CCSER1: variants seen among roughly 807,000 people sequenced by gnomAD.
CCSER1 encodes the protein coiled-coil serine rich protein 1, also known as serine-rich coiled-coil domain-containing protein 1.
In CCSER1, 41 loss-of-function variants were observed where a neutral mutation model predicts 82.0. The observed-to-expected ratio is 0.50, with a 90% CI of 0.39 to 0.65. The LOEUF (loss-of-function observed/expected upper bound fraction) is 0.65, where lower values mean the gene tolerates loss of function less well. Ranked by LOEUF, CCSER1 falls within the 30% of genes least tolerant of loss-of-function variation. The pLI is 0.00. For missense variants in CCSER1, 1,119 were observed against 1,064.2 expected, an observed-to-expected ratio of 1.05 and a Z score of -0.72; for synonymous variants, 414 against 383.9, an observed-to-expected ratio of 1.08 and a Z score of -0.92.
At chr4:90,600,386 G>T (rs1329376121) in intron 5 of CCSER1, among the ~76,000 whole-genome samples, 1 of 152,070 alleles carries the variant, frequency 6.6e-6, no homozygotes, top group African/African-American at 2.4e-5. Flanking sequence ...AGATTTGTGT[G>T]TAGTCATTTT....
At chr4:91,372,047 T>G (rs1244602126) in intron 10 of CCSER1, among the ~76,000 whole-genome samples, 1 of 152,230 alleles carries the variant, frequency 6.6e-6, no homozygotes, top group Non-Finnish European at 1.5e-5. Flanking sequence ...AAAAATGTTT[T>G]GTAAAAATAG....
chr4:90,257,800 A>G (rs1324438190), intron 1 of CCSER1, among the ~76,000 whole-genome samples: 1 of 152,170 alleles, frequency 6.6e-6, no homozygotes, highest in Non-Finnish European at 1.5e-5. Context: ...TGTAGCTCCC[A>G]GACAGTCAAG....
intron 3 of CCSER1, among the ~76,000 whole-genome samples, chr4:90,348,345 G>A (rs1742789031): frequency 6.6e-6 from 1 of 152,016 alleles, no homozygotes; most frequent in Non-Finnish European, 1.5e-5. Context: ...CAGTATTTTT[G>A]TTATGTGTAC....
At chr4:91,127,534 A>AG (rs1311210798) in intron 10 of CCSER1, among the ~76,000 whole-genome samples, 1 of 151,858 alleles carries the variant, frequency 6.6e-6, no homozygotes, top group Non-Finnish European at 1.5e-5. Context: ...TTTTTTAAAA[A>AG]CTCTATGAAT....
intron 5 of CCSER1, among the ~76,000 whole-genome samples, chr4:90,625,034 G>T (rs556615496): frequency 1.3e-5 from 2 of 152,190 alleles, no homozygotes; most frequent in East Asian, 3.9e-4. Flanking sequence ...ACTATCTTTG[G>T]TGATATAAAG....
intron 1 of CCSER1, among the ~76,000 whole-genome samples, chr4:90,220,988 C>T (rs951849142): frequency 6.6e-6 from 1 of 151,818 alleles, no homozygotes. Context: ...CAATTTTTTG[C>T]ATTTTGAAGA....
At chr4:91,345,985 T>G (rs769302067) in intron 10 of CCSER1, among the ~76,000 whole-genome samples, 6 of 152,104 alleles carry the variant, frequency 3.9e-5, no homozygotes, top group Non-Finnish European at 8.8e-5. Context: ...CAATATGCAT[T>G]TAAGATACTT....
intron 5 of CCSER1, among the ~76,000 whole-genome samples, chr4:90,476,736 A>T (rs1765171910): frequency 6.6e-6 from 1 of 152,156 alleles, no homozygotes; most frequent in Admixed American, 6.5e-5. Flanking sequence ...TTGTTATTTT[A>T]TCTCTCTGCT....
chr4:91,249,938 A>T (rs1033082468), intron 10 of CCSER1, among the ~76,000 whole-genome samples: 1 of 141,330 alleles, frequency 7.1e-6, no homozygotes, highest in Middle Eastern at 3.4e-3. Context: ...AAAAGATTGT[A>T]GTCCTGAATA....
chr4:90,503,524 T>G (rs1434634783), intron 5 of CCSER1, among the ~76,000 whole-genome samples: 1 of 152,152 alleles, frequency 6.6e-6, no homozygotes, highest in Admixed American at 6.6e-5. Context: ...AGCTCGTCAT[T>G]TAACATTAGG....
intron 1 of CCSER1, among the ~76,000 whole-genome samples, chr4:90,138,751 G>T (rs564862527): frequency 6.6e-6 from 1 of 151,986 alleles, no homozygotes; most frequent in South Asian, 2.1e-4. Context: ...TATGCACAAG[G>T]TGCAGGTTTG....
At chr4:90,257,549 A>AT (rs1723551982) in intron 1 of CCSER1, among the ~76,000 whole-genome samples, 1 of 150,646 alleles carries the variant, frequency 6.6e-6, no homozygotes, top group East Asian at 2.0e-4. Context: ...AGATAGATAG[A>AT]TAGATAGATA....
At chr4:90,875,686 A>G (rs768918722) in intron 8 of CCSER1, among the ~76,000 whole-genome samples, 64 of 152,320 alleles carry the variant, frequency 4.2e-4, no homozygotes, top group Non-Finnish European at 5.7e-4. Flanking sequence ...TATAGCTTAA[A>G]TTAAACATCA....
intron 4 of CCSER1, among the ~76,000 whole-genome samples, chr4:90,438,973 C>T (rs1759461705): frequency 6.6e-6 from 1 of 152,082 alleles, no homozygotes; most frequent in Admixed American, 6.6e-5. Flanking sequence ...TTAAAACTGG[C>T]ATGCTATTAT....
chr4:90,920,204 T>G (rs991422142), intron 8 of CCSER1, among the ~76,000 whole-genome samples: 4 of 151,800 alleles, frequency 2.6e-5, no homozygotes. Flanking sequence ...TCCTTCTGTA[T>G]GGATGCATAC....
At chr4:90,915,710 G>A (rs183745588) in intron 8 of CCSER1, among the ~76,000 whole-genome samples, 1 of 114,296 alleles carries the variant, frequency 8.7e-6, no homozygotes, top group East Asian at 2.3e-4. Context: ...AATTAGGAAA[G>A]GAGGAAGTCA....
chr4:91,453,020 A>C (rs1405897805), intron 10 of CCSER1, among the ~76,000 whole-genome samples: 3 of 152,026 alleles, frequency 2.0e-5, no homozygotes, highest in Non-Finnish European at 4.4e-5. Context: ...TTTTAAATGA[A>C]GTTACCTCAT....
intron 10 of CCSER1, among the ~76,000 whole-genome samples, chr4:91,533,357 T>C (rs532663294): frequency 2.6e-5 from 4 of 152,316 alleles, no homozygotes; most frequent in African/African-American, 9.6e-5. Context: ...TTTCCTATGA[T>C]TACAGAATCT....
intron 5 of CCSER1, among the ~76,000 whole-genome samples, chr4:90,623,851 G>T (rs538878941): frequency 1.1e-3 from 160 of 152,290 alleles, no homozygotes; most frequent in African/African-American, 3.7e-3. Flanking sequence ...TCCTTAAACA[G>T]ATAGTTTCTG....
Sources: gnomAD v4.1 joint callset for allele counts (sites outside exome capture counted in the v4.1 genomes callset) on GRCh38, gnomAD v4.1.1 for gene constraint, MANE v1.5 for transcripts, NCBI Gene and HGNC (gene_info 2026-07-23, HGNC 2026-07-21) for gene names.